SETD3: variants seen among roughly 807,000 people sequenced by gnomAD.
The protein encoded by SETD3 is actin-histidine N-methyltransferase.
SETD3 carries 19 observed loss-of-function variants against 63.0 expected under a neutral mutation model. That is an observed-to-expected ratio of 0.30 (90% CI 0.21 to 0.44). SETD3 has a LOEUF of 0.44. Among genes scored for constraint, SETD3 ranks in the 20% least tolerant of loss-of-function variants. SETD3 has a pLI of 1.00. For synonymous variants in SETD3, 286 were observed against 264.1 expected (o/e 1.08, Z -0.80); for missense variants, 587 against 728.5 (o/e 0.81, Z 2.24).
chr14:99,414,957 T>G (rs1044145766), intron 6 of SETD3, among the ~76,000 whole-genome samples: 7 of 152,242 alleles, frequency 4.6e-5, no homozygotes, highest in African/African-American at 7.2e-5. Context: ...CATCGCTCAC[T>G]GTAATGTACT....
chr14:99,423,414 C>T (rs957138619), intron 6 of SETD3, among the ~76,000 whole-genome samples: 2 of 151,638 alleles, frequency 1.3e-5, no homozygotes, highest in East Asian at 1.9e-4. Flanking sequence ...TAAGTCAAGA[C>T]ACTTGAATAA....
At chr14:99,459,208 G>T in intron 4 of SETD3, 23 bp from the exon 5 acceptor site, 1 of 1,551,538 alleles carries the variant, frequency 6.4e-7, no homozygotes, top group Non-Finnish European at 8.9e-7. Context: ...ATAATAATAG[G>T]AGAATCATCA....
chr14:99,477,233 A>G (rs763488760), intron 1 of SETD3, among the ~76,000 whole-genome samples: 14 of 152,192 alleles, frequency 9.2e-5, no homozygotes, highest in Non-Finnish European at 1.9e-4. Flanking sequence ...GAATTTTATA[A>G]TCATTTGGAA....
intron 6 of SETD3, among the ~76,000 whole-genome samples, chr14:99,450,190 C>T (rs1232844857): frequency 2.6e-5 from 4 of 152,318 alleles, no homozygotes; most frequent in Admixed American, 6.5e-5. Context: ...AAACCCTTTC[C>T]GTGAATTTCA....
At chr14:99,410,746 C>T (rs915332468) in intron 8 of SETD3, among the ~76,000 whole-genome samples, 2 of 152,218 alleles carry the variant, frequency 1.3e-5, no homozygotes, top group Non-Finnish European at 2.9e-5. Flanking sequence ...CATCCAGCCC[C>T]TTACTTTCTT....
intron 3 of SETD3, among the ~76,000 whole-genome samples, chr14:99,462,359 T>C (rs1185127248): frequency 6.6e-6 from 1 of 152,180 alleles, no homozygotes; most frequent in African/African-American, 2.4e-5. Context: ...AACTTTACTA[T>C]GAGGAAGCTG....
upstream of SETD3, chr14:99,481,321 T>C (rs1896305883): frequency 1.5e-5 from 6 of 397,714 alleles, no homozygotes; most frequent in South Asian, 1.3e-4. Context: ...CTCTGCTTTC[T>C]TCCCATTGGT....
chr14:99,465,687 C>A lies in SETD3; in HGVS notation c.103+16G>T. The A allele has an allele frequency of 6.2e-7, 1 of 1,604,464 alleles. No individual in the cohort carries two copies. Among genetic ancestry groups the A allele is most frequent in the Non-Finnish European group, 8.5e-7 (1 of 1,171,858 alleles). On this transcript the variant is annotated intron_variant, in intron 2 of 12. Transcript: ENST00000331768. ...GCCACCACATCAAGGCAGGGAGAGC[C>A]CAGAGGAGGACTTACTCTGCAGCAG...
chr14:99,441,047 C>T (rs1333812995), intron 6 of SETD3, among the ~76,000 whole-genome samples: 2 of 152,210 alleles, frequency 1.3e-5, no homozygotes, highest in African/African-American at 2.4e-5. Context: ...CAATCCTCAC[C>T]TAAGCTGCTG....
upstream of SETD3, among the ~76,000 whole-genome samples, chr14:99,483,384 A>G (rs540362638): frequency 6.6e-6 from 1 of 152,220 alleles, no homozygotes; most frequent in African/African-American, 2.4e-5. Flanking sequence ...CCTCACCACT[A>G]CAAAAAAAAA....
chr14:99,459,017 G>A lies in SETD3; in HGVS notation c.418+96C>T, dbSNP rs553380741. 2.1e-5 allele frequency: 18 copies of A among 838,414 alleles called. No individual in the cohort carries two copies. The South Asian group carries it at 2.6e-4, about 12-fold the overall frequency. The allele number at this position is 838,414 out of a possible 1,614,324, so 51.9% of individuals were successfully genotyped here. On this transcript the variant is annotated intron_variant, in intron 5 of 12. Transcript: ENST00000331768. ...TATTTGAGGGAATATTTCGCCAGTC[G>A]AGAAAAACCAAGTATTATCCTTAGT... is the stretch of plus-strand genomic sequence containing the variant.
In SETD3 at chr14:99,416,515, C is replaced by T. The variant is rs536164141; in HGVS notation, c.676-2581G>A. The stretch of plus-strand genomic sequence containing the variant: ...AAAACAGAAAACGTACTCTCTGCAG[C>T]CAATTGGTTTTAGCTTCCAAACCAA... On this transcript the variant is annotated intron_variant, in intron 6 of 12. Coordinates refer to ENST00000331768, the MANE Select transcript of SETD3 (RefSeq NM_032233.3). Among the ~76,000 whole-genome samples the T allele has an allele frequency of 1.4e-4, 21 of 152,294 alleles. 1 individual carries two copies. In the South Asian group the frequency reaches 4.3e-3, roughly 32 times the overall value.
intron 6 of SETD3, among the ~76,000 whole-genome samples, chr14:99,456,902 C>T (rs907493800): frequency 6.6e-6 from 1 of 152,210 alleles, no homozygotes; most frequent in African/African-American, 2.4e-5. Context: ...CTCCAACCTG[C>T]CAACAGAAGA....
intron 11 of SETD3, among the ~76,000 whole-genome samples, chr14:99,402,424 C>T (rs758000853): frequency 5.9e-5 from 9 of 152,090 alleles, no homozygotes; most frequent in Non-Finnish European, 8.8e-5. Flanking sequence ...TTAGTTTGTT[C>T]GTTTGTTTGT....
intron 6 of SETD3, among the ~76,000 whole-genome samples, chr14:99,455,101 T>A (rs1276509718): frequency 6.6e-6 from 1 of 152,252 alleles, no homozygotes; most frequent in Non-Finnish European, 1.5e-5. Context: ...TACAGGTTTG[T>A]CTTACTACAA....
Position 99,450,373 on chromosome 14 carries a change from C to T in SETD3, c.675+7906G>A, listed in dbSNP as rs568331960. On this transcript the variant is annotated intron_variant, in intron 6 of 12. Coordinates refer to ENST00000331768, the MANE Select transcript of SETD3 (RefSeq NM_032233.3). ...TTGTGCTATTCTTGTGTAGCTCTGT[C>T]AGAGACAAGTAGAACAGCAGAAAAT... 2.4e-3 allele frequency among the ~76,000 whole-genome samples: 367 copies of T among 152,308 alleles called. 1 individual carries two copies. Among genetic ancestry groups the T allele is most frequent in the African/African-American group, 8.5e-3 (354 of 41,562 alleles).
chr14:99,424,068 C>G (rs958327420), intron 6 of SETD3, among the ~76,000 whole-genome samples: 7 of 151,960 alleles, frequency 4.6e-5, no homozygotes, highest in Non-Finnish European at 1.0e-4. Flanking sequence ...ATAGTTTAAT[C>G]AGTGCAGATC....
intron 6 of SETD3, among the ~76,000 whole-genome samples, chr14:99,433,775 C>T (rs764738413): frequency 2.6e-5 from 4 of 152,196 alleles, no homozygotes; most frequent in Non-Finnish European, 5.9e-5. Flanking sequence ...TGAACAGGCA[C>T]TTCCCAAAAG....
intron 11 of SETD3, among the ~76,000 whole-genome samples, chr14:99,403,220 T>C (rs1891476955): frequency 6.6e-6 from 1 of 152,138 alleles, no homozygotes; most frequent in Non-Finnish European, 1.5e-5. Context: ...CACTGCTCCC[T>C]GGATCCAGAC....
Sources: gnomAD v4.1 joint callset for allele counts (sites outside exome capture counted in the v4.1 genomes callset) on GRCh38, gnomAD v4.1.1 for gene constraint, MANE v1.5 for transcripts, NCBI Gene and HGNC (gene_info 2026-07-23, HGNC 2026-07-21) for gene names.